MORC1: variants seen among roughly 807,000 people sequenced by gnomAD.
The protein encoded by MORC1 is MORC family CW-type zinc finger 1.
A neutral mutation model predicts 134.9 loss-of-function variants in MORC1; 59 were observed. The ratio of observed to expected loss-of-function variants is 0.44; its 90% CI spans 0.35 to 0.54. The LOEUF is 0.54. Among genes scored for constraint, MORC1 ranks in the 20% least tolerant of loss-of-function variants. MORC1 has a pLI of 0.00. For missense variants in MORC1, 947 were observed against 1,134.5 expected (o/e 0.83, Z 2.37); for synonymous variants, 395 against 391.7 (o/e 1.01, Z -0.10).
chr3:109,106,977 G>C (rs1355673691), intron 3 of MORC1, among the ~76,000 whole-genome samples: 2 of 152,086 alleles, frequency 1.3e-5, no homozygotes, highest in Non-Finnish European at 2.9e-5. Context: ...AACTCTCCAA[G>C]CTCATTTCTT....
intron 25 of MORC1, among the ~76,000 whole-genome samples, chr3:108,970,783 G>A (rs1947355845): frequency 6.6e-6 from 1 of 152,194 alleles, no homozygotes; most frequent in Admixed American, 6.5e-5. Context: ...GCCCTTTGTA[G>A]ACTACTCACT....
intron 14 of MORC1, among the ~76,000 whole-genome samples, chr3:109,041,991 A>G (rs1305124987): frequency 6.6e-6 from 1 of 152,156 alleles, no homozygotes; most frequent in Non-Finnish European, 1.5e-5. Context: ...AGAACTAGAC[A>G]TCATCAAGTA....
At chr3:108,999,382 T>C (rs887669844) in intron 21 of MORC1, among the ~76,000 whole-genome samples, 3 of 152,156 alleles carry the variant, frequency 2.0e-5, no homozygotes, top group East Asian at 3.8e-4. Context: ...TGGCCACAAG[T>C]TGGTAAACAC....
intron 24 of MORC1, among the ~76,000 whole-genome samples, chr3:108,976,749 C>T (rs1947575102): frequency 2.6e-5 from 4 of 152,136 alleles, no homozygotes; most frequent in Non-Finnish European, 5.9e-5. Context: ...ATTCAGCTTT[C>T]AGAGTGCTCA....
Position 108,971,803 on chromosome 3 carries a change from GAGGA to G in MORC1, c.2478-405_2478-402del, listed in dbSNP as rs370029015. ...TCTCAAAATAAAAAGGTTACTGAAA[GAGGA>G]AGGAAGGAAGGAAGGAAGGAAGGGA... On this transcript the variant is annotated intron_variant, in intron 24 of 27. Transcript: ENST00000232603. Among the ~76,000 whole-genome samples the G allele has an allele frequency of 8.9e-3, 1,270 of 142,408 alleles. 10 individuals carry two copies. Among genetic ancestry groups the G allele is most frequent in the Non-Finnish European group, 0.014 (920 of 65,130 alleles). 93.4% of individuals were successfully genotyped at this position (142,408 alleles called of 152,430 possible).
At chr3:109,054,987 T>G in intron 13 of MORC1, 105 bp from the exon 14 acceptor site, 1 of 1,073,462 alleles carries the variant, frequency 9.3e-7, no homozygotes, top group South Asian at 1.6e-5. Context: ...AATAAATTCA[T>G]TCTGTTGATC....
chr3:109,032,760 T>G lies in MORC1; in HGVS notation c.1525A>C (p.Ile509Leu), dbSNP rs1460550841. The G allele has an allele frequency of 6.2e-7, 1 of 1,608,872 alleles. No individual in the cohort carries two copies. Among genetic ancestry groups the G allele is most frequent in the Admixed American group, 1.7e-5 (1 of 59,648 alleles). The change falls in exon 16 of 28, where the codon ATT becomes CTT. Residue 509 changes from isoleucine (I) to leucine (L), a missense_variant. Around this residue, in one of 3 missense-constraint regions of MORC1, gnomAD observed 722 missense variants for 817.0 expected, o/e 0.88. Transcript: ENST00000232603. ...TNYQEKEFFD[I>L]WICANNPNRL... ...TTGGGATTATTAGCACAAATCCAAA[T>G]GTCAAAAAATTCTTTTTCCTGATAA... is the stretch of plus-strand genomic sequence containing the variant.
intron 5 of MORC1, 88 bp downstream of exon 5, chr3:109,100,329 A>C: frequency 9.7e-7 from 1 of 1,034,618 alleles, no homozygotes; most frequent in South Asian, 1.3e-5. Context: ...TTAAAGCTTT[A>C]CATGCCTGCA....
chr3:109,115,609 A>G (rs937034798), intron 1 of MORC1, among the ~76,000 whole-genome samples: 55 of 152,264 alleles, frequency 3.6e-4, no homozygotes, highest in African/African-American at 1.2e-3. Flanking sequence ...TTTAAAGTAC[A>G]TGATTCAATA....
intron 14 of MORC1, among the ~76,000 whole-genome samples, chr3:109,045,108 A>T (rs1317966334): frequency 1.3e-5 from 2 of 152,164 alleles, no homozygotes; most frequent in African/African-American, 4.8e-5. Flanking sequence ...GTCTCCATCA[A>T]AATAAGGAGG....
rs554931869 is a variant in MORC1 at position 109,000,672 on chromosome 3, T to A, written c.2086-14A>T. 3.8e-6 allele frequency: 6 copies of A among 1,589,832 alleles called. No individual in the cohort carries two copies. Among genetic ancestry groups the A allele is most frequent in the Middle Eastern group, 1.7e-4 (1 of 5,968 alleles). ...CCAAGAAGCGGCCTATAACAAGGAATTAACAAAAAAAATACAAGGATTAGT... is the reference window on the plus strand; with the variant it reads ...CCAAGAAGCGGCCTATAACAAGGAAATAACAAAAAAAATACAAGGATTAGT... On this transcript the variant is annotated splice_polypyrimidine_tract_variant and intron_variant, in intron 20 of 27. Transcript: ENST00000232603.
At chr3:109,033,327 AG>A (rs1327301605) in intron 15 of MORC1, among the ~76,000 whole-genome samples, 2 of 150,344 alleles carry the variant, frequency 1.3e-5, no homozygotes, top group African/African-American at 4.9e-5. Flanking sequence ...GAAGGAAGGA[AG>A]GAAGGAAGGA....
At chr3:109,013,594 T>C (rs1948748560) in intron 17 of MORC1, among the ~76,000 whole-genome samples, 1 of 152,230 alleles carries the variant, frequency 6.6e-6, no homozygotes, top group African/African-American at 2.4e-5. Context: ...TGTATTTGTA[T>C]GGATTCTTTT....
intron 17 of MORC1, among the ~76,000 whole-genome samples, chr3:109,025,384 T>C (rs1481928813): frequency 4.8e-5 from 4 of 82,514 alleles, no homozygotes; most frequent in Admixed American, 2.2e-4. Flanking sequence ...TTTTTCTTTT[T>C]TTTTTTTTTT....
Position 108,986,845 on chromosome 3 carries a change from AAT to A in MORC1, c.2257+33_2257+34del, listed in dbSNP as rs760155843. 3,044 of 1,205,868 alleles carry A rather than the reference AAT, an allele frequency of 2.5e-3. 1 individual carries two copies. Among genetic ancestry groups the A allele is most frequent in the Middle Eastern group, 3.3e-3 (13 of 3,898 alleles). The allele number at this position is 1,205,868 out of a possible 1,614,324, so 74.7% of individuals were successfully genotyped here. A position where few individuals can be genotyped will look rare whatever the true frequency, so the allele number is the denominator to read the frequency against. On this transcript the variant is annotated intron_variant, in intron 22 of 27. Transcript: ENST00000232603. ...TGAAAATGTCTCAAACATTATAGCT[AAT>A]ATATATATATACATGAGCTGATTTT... is the stretch of plus-strand genomic sequence containing the variant.
intron 24 of MORC1, among the ~76,000 whole-genome samples, chr3:108,975,194 AGG>A (rs1947515550): frequency 6.6e-6 from 1 of 152,216 alleles, no homozygotes; most frequent in Non-Finnish European, 1.5e-5. Flanking sequence ...GTCCTAGCTG[AGG>A]AGAAGAGCAA....
chr3:109,095,171 ACACTAAG>A, intron 6 of MORC1, 103 bp from the exon 7 acceptor site: 1 of 1,118,950 alleles, frequency 8.9e-7, no homozygotes, highest in Non-Finnish European at 1.3e-6. Context: ...AAATTACAAA[ACACTAAG>A]TTAAAAGTTC....
At chr3:109,029,950 T>G (rs906113501) in intron 16 of MORC1, among the ~76,000 whole-genome samples, 3 of 152,216 alleles carry the variant, frequency 2.0e-5, no homozygotes, top group Non-Finnish European at 1.5e-5. Context: ...GCCTCTCTAT[T>G]TTCTTCTCTG....
At chr3:108,977,823 A>C (rs1394128820) in intron 24 of MORC1, among the ~76,000 whole-genome samples, 1 of 152,170 alleles carries the variant, frequency 6.6e-6, no homozygotes, top group Non-Finnish European at 1.5e-5. Flanking sequence ...CCCATTCTTT[A>C]GGGATTATAC....
Sources: gnomAD v4.1 joint callset for allele counts (sites outside exome capture counted in the v4.1 genomes callset) on GRCh38, gnomAD v4.1.1 for gene constraint, gnomAD v4.1.1 regional missense constraint, MANE v1.5 for transcripts, NCBI Gene and HGNC (gene_info 2026-07-23, HGNC 2026-07-21) for gene names.